The following SPATA16 variants were observed in gnomAD, a reference collection of about 807,000 sequenced individuals.
SPATA16 encodes spermatogenesis-associated protein 16.
A neutral mutation model predicts 63.3 loss-of-function variants in SPATA16; 36 were observed. The ratio of observed to expected loss-of-function variants is 0.57; its 90% CI spans 0.44 to 0.75. The LOEUF is 0.75. Among genes scored for constraint, SPATA16 ranks in the 30% least tolerant of loss-of-function variants. The pLI, the probability that SPATA16 is intolerant of heterozygous loss-of-function variation, is 0.00. For synonymous variants in SPATA16, 203 were observed against 216.7 expected (o/e 0.94, Z 0.56); for missense variants, 646 against 679.3 (o/e 0.95, Z 0.54).
chr3:173,015,859 GGGGTGT>G (rs1305546637), intron 4 of SPATA16, among the ~76,000 whole-genome samples: 3 of 71,048 alleles, frequency 4.2e-5, no homozygotes, highest in African/African-American at 1.7e-4. Context: ...AGTCCCAAAT[GGGGTGT>G]GTGTGTGTGT....
At chr3:173,050,942 C>T (rs538958201) in intron 2 of SPATA16, among the ~76,000 whole-genome samples, 21 of 152,246 alleles carry the variant, frequency 1.4e-4, no homozygotes, top group Middle Eastern at 3.4e-3. Flanking sequence ...GAAGTGTCAG[C>T]GTGGCTGTAA....
At chr3:172,977,537 C>G (rs566064015) in intron 4 of SPATA16, among the ~76,000 whole-genome samples, 1 of 152,182 alleles carries the variant, frequency 6.6e-6, no homozygotes, top group South Asian at 2.1e-4. Flanking sequence ...ATAAAAAAAT[C>G]TCCAATTCAA....
In SPATA16 at chr3:173,013,601, A is replaced by G. The variant is rs371581728; in HGVS notation, c.848+5885T>C. 8.5e-5 allele frequency among the ~76,000 whole-genome samples: 13 copies of G among 152,362 alleles called. 4 individuals carry two copies. Among genetic ancestry groups the G allele is most frequent in the Admixed American group, 1.3e-4 (2 of 15,310 alleles). On this transcript the variant is annotated intron_variant, in intron 4 of 10. Transcript: ENST00000351008. The stretch of plus-strand genomic sequence containing the variant: ...AGGCGGGACAAAGACAGTTAATCAA[A>G]TTGTAACAGGTTCATAACTCAGGAT...
chr3:173,094,028 A>G (rs988532300), intron 2 of SPATA16, among the ~76,000 whole-genome samples: 5 of 144,350 alleles, frequency 3.5e-5, no homozygotes, highest in Non-Finnish European at 7.5e-5. Flanking sequence ...TTCCTTCTCT[A>G]TTCAATTCCT....
At chr3:173,009,092 C>T (rs776533820) in intron 4 of SPATA16, among the ~76,000 whole-genome samples, 14 of 152,142 alleles carry the variant, frequency 9.2e-5, no homozygotes, top group Non-Finnish European at 1.8e-4. Flanking sequence ...GATGATTCTG[C>T]ACTTTAAAAA....
intron 6 of SPATA16, among the ~76,000 whole-genome samples, chr3:172,940,749 G>A (rs1733125020): frequency 6.6e-6 from 1 of 152,160 alleles, no homozygotes; most frequent in Admixed American, 6.5e-5. Context: ...CACTTTGGGA[G>A]GCTGAGGCAG....
intron 3 of SPATA16, among the ~76,000 whole-genome samples, chr3:173,048,697 T>C (rs776929952): frequency 1.3e-5 from 2 of 152,168 alleles, no homozygotes; most frequent in Non-Finnish European, 2.9e-5. Flanking sequence ...CCGCAGCAAT[T>C]TGCTTCTGCA....
At chr3:173,097,340 A>G (rs1368469039) in intron 2 of SPATA16, among the ~76,000 whole-genome samples, 1 of 152,196 alleles carries the variant, frequency 6.6e-6, no homozygotes, top group Non-Finnish European at 1.5e-5. Context: ...GAAGCCATAA[A>G]GTACTTTCTT....
chr3:173,013,187 A>T (rs777022873), intron 4 of SPATA16, among the ~76,000 whole-genome samples: 15 of 152,248 alleles, frequency 9.9e-5, no homozygotes, highest in South Asian at 6.2e-4. Flanking sequence ...GCTAATAATC[A>T]GAGAGATGCA....
At chr3:173,128,640 A>G (rs925071811) in intron 1 of SPATA16, among the ~76,000 whole-genome samples, 2 of 152,024 alleles carry the variant, frequency 1.3e-5, no homozygotes, top group African/African-American at 4.8e-5. Context: ...TCCTACTCCA[A>G]CTCCCACCGC....
chr3:173,046,725 ATTAAT>A (rs1426537385), intron 3 of SPATA16, among the ~76,000 whole-genome samples: 1 of 152,012 alleles, frequency 6.6e-6, no homozygotes, highest in African/African-American at 2.4e-5. Flanking sequence ...AAATATCCTA[ATTAAT>A]TTATTTTATC....
intron 1 of SPATA16, among the ~76,000 whole-genome samples, chr3:173,124,688 C>A (rs1738180123): frequency 6.6e-6 from 1 of 152,200 alleles, no homozygotes; most frequent in Non-Finnish European, 1.5e-5. Context: ...TGCCAGATCT[C>A]ATAACAGCAG....
chr3:173,130,358 C>CAAAAAAAAAA (rs1202660573), intron 1 of SPATA16, among the ~76,000 whole-genome samples: 1 of 39,890 alleles, frequency 2.5e-5, no homozygotes, highest in Non-Finnish European at 6.0e-5. Flanking sequence ...GACTTCGTCT[C>CAAAAAAAAAA]AAAAAAAAAA....
chr3:172,913,478 T>C (rs2109561759), intron 10 of SPATA16, among the ~76,000 whole-genome samples, 183 bp downstream of exon 10: 1 of 152,312 alleles, frequency 6.6e-6, no homozygotes, highest in East Asian at 1.9e-4. Flanking sequence ...AGAAGCAGAT[T>C]AAATAAATCC....
rs991346128 is a variant in SPATA16 at position 172,916,363 on chromosome 3, G to A, written c.1457C>T (p.Ala486Val). 2 of 1,613,702 alleles carry A rather than the reference G, an allele frequency of 1.2e-6. No individual in the cohort carries two copies. Among genetic ancestry groups the A allele is most frequent in the African/African-American group, 1.3e-5 (1 of 74,960 alleles). The change falls in exon 9 of 11, where the codon GCA (alanine) becomes GTA (valine). Residue 486 changes from alanine to valine, a missense_variant. Coordinates refer to ENST00000351008, the MANE Select transcript of SPATA16 (RefSeq NM_031955.6). ...QVINQAMAELATIPYLQDISQ... is the reference protein window; with the variant it reads ...QVINQAMAELVTIPYLQDISQ... Reference sequence around the variant, plus strand: ...GATGTCCTGTAGGTAGGGAATGGTTGCTAGCTCTGCCATTGCTTGATTAAT... The same window carrying A: ...GATGTCCTGTAGGTAGGGAATGGTTACTAGCTCTGCCATTGCTTGATTAAT...
At chr3:172,970,243 T>A (rs1325954126) in intron 5 of SPATA16, among the ~76,000 whole-genome samples, 2 of 152,186 alleles carry the variant, frequency 1.3e-5, no homozygotes, top group African/African-American at 4.8e-5. Context: ...TTGACAGAAT[T>A]AAGCACAGAT....
At position 172,956,674 on chromosome 3, in the gene SPATA16, T is replaced by C; in HGVS notation, c.1081+3A>G. The C allele has an allele frequency of 6.2e-7, 1 of 1,610,352 alleles. No individual in the cohort carries two copies. Among genetic ancestry groups the C allele is most frequent in the Non-Finnish European group, 8.5e-7 (1 of 1,178,742 alleles). On this transcript the variant is annotated splice_donor_region_variant and intron_variant, in intron 6 of 10. Coordinates refer to ENST00000351008, the MANE Select transcript of SPATA16 (RefSeq NM_031955.6). ...CTGATAACTTGAAGATATTGAATCT[T>C]ACCTGTGTACATATACTCTGCATAT...
chr3:172,909,090 ACCAGTGAGCCTTT>A (rs1331122197), intron 10 of SPATA16, among the ~76,000 whole-genome samples: 21 of 152,194 alleles, frequency 1.4e-4, no homozygotes, highest in Admixed American at 1.4e-3. Context: ...TTGGCTGCTC[ACCAGTGAGCCTTT>A]CTAGATACCC....
intron 3 of SPATA16, among the ~76,000 whole-genome samples, chr3:173,044,789 C>A (rs994014787): frequency 6.6e-6 from 1 of 151,530 alleles, no homozygotes; most frequent in East Asian, 1.9e-4. Context: ...TGTTTTTTTC[C>A]CCCTGTGAGA....
Sources: allele counts gnomAD v4.1 joint callset (sites outside exome capture counted in the v4.1 genomes callset), GRCh38; gene constraint gnomAD v4.1.1; transcripts MANE v1.5; gene names NCBI Gene and HGNC (gene_info 2026-07-23, HGNC 2026-07-21).